PSMA4: variants seen among roughly 807,000 people sequenced by gnomAD.
PSMA4 encodes the protein proteasome subunit alpha type-4.
In PSMA4, 8 loss-of-function variants were observed where a neutral mutation model predicts 37.2. The ratio of observed to expected loss-of-function variants is 0.22; its 90% CI spans 0.13 to 0.39. PSMA4 has a LOEUF of 0.39. Among genes scored for constraint, PSMA4 ranks in the 10% least tolerant of loss-of-function variants. The pLI is 1.00. For synonymous variants in PSMA4, 93 were observed against 98.8 expected (o/e 0.94, Z 0.35); for missense variants, 169 against 305.1 (o/e 0.55, Z 3.32).
chr15:78,544,758 A>G (rs2052521540), intron 5 of PSMA4, 111 bp from the exon 6 acceptor site: 2 of 612,666 alleles, frequency 3.3e-6, no homozygotes, highest in Non-Finnish European at 5.7e-6. Context: ...TCAAATTACA[A>G]ATGACTGTTA....
chr15:78,544,839 A>G (rs2052522955), intron 5 of PSMA4, 30 bp from the exon 6 acceptor site: 2 of 1,445,028 alleles, frequency 1.4e-6, no homozygotes, highest in Non-Finnish European at 1.9e-6. Flanking sequence ...TTTAGAGAAA[A>G]CTACTAATGT....
rs1490361798 is a variant in PSMA4 at position 78,551,145 on chromosome 15, CA to C, written c.*2202del. On this transcript the variant is annotated 3_prime_UTR_variant, in exon 9 of 9. Transcript: ENST00000044462. ...TTCCTTGCCTCCACTTCATTCCCCA[CA>C]GTCAATTCTCCAGCAGCAGCCACAG... The C allele has an allele frequency of 1.3e-5, 2 of 152,242 alleles. No homozygotes were observed. The highest frequency in any genetic ancestry group is 4.8e-5 in the African/African-American group (2 of 41,452). The allele number at this position is 152,242 out of a possible 1,614,324, so 9.4% of individuals were successfully genotyped here.
chr15:78,550,753 A>C lies in PSMA4; in HGVS notation c.*1809A>C, dbSNP rs1221413576. 6.6e-6 allele frequency: 1 copy of C among 151,120 alleles called. No homozygotes were observed. The highest frequency in any genetic ancestry group is 1.5e-5 in the Non-Finnish European group (1 of 68,016). 9.4% of individuals were successfully genotyped at this position (151,120 alleles called of 1,614,324 possible). ...ACTTACACGGTGTGAGAGCTGAAACAAGAATTCAGAGTGTCGCCTTGCTCA... is the reference window on the plus strand; with the variant it reads ...ACTTACACGGTGTGAGAGCTGAAACCAGAATTCAGAGTGTCGCCTTGCTCA... On this transcript the variant is annotated 3_prime_UTR_variant, in exon 9 of 9. Coordinates refer to ENST00000044462, the MANE Select transcript of PSMA4 (RefSeq NM_002789.6).
rs1421343724 is a variant in PSMA4 at position 78,544,238 on chromosome 15, G to T, written c.258G>T (p.Leu86=). The change falls in exon 5 of 9, where the codon CTG becomes CTT. Residue 86 remains leucine (L), a synonymous_variant. Coordinates refer to ENST00000044462, the MANE Select transcript of PSMA4 (RefSeq NM_002789.6). ...VAGITSDANV[L]TNELRLIAQR... is the part of the protein sequence containing the mutation. ...GCATAACTTCTGATGCTAATGTTCT[G>T]ACTAATGAACTAAGGCTCATTGCTC... 6.2e-7 allele frequency: 1 copy of T among 1,613,404 alleles called. No homozygotes were observed. Among genetic ancestry groups the T allele is most frequent in the East Asian group, 2.2e-5 (1 of 44,870 alleles).
At chr15:78,540,916 A>G (rs1232633632) in intron 1 of PSMA4, 1 of 152,302 alleles carries the variant, frequency 6.6e-6, no homozygotes. Flanking sequence ...GAGACAACAG[A>G]AAGTTGTGCT....
At chr15:78,542,070 T>C in intron 2 of PSMA4, 107 bp from the exon 3 acceptor site, 1 of 1,450,478 alleles carries the variant, frequency 6.9e-7, no homozygotes. Context: ...TCCTCTCACC[T>C]ATTGAACTTT....
In PSMA4 at chr15:78,540,449, A is replaced by T. The variant is rs1411361144; in HGVS notation, c.-114A>T. 1 of 152,382 alleles carries T rather than the reference A, an allele frequency of 6.6e-6. No homozygotes were observed. Among genetic ancestry groups the T allele is most frequent in the Admixed American group, 6.5e-5 (1 of 15,290 alleles). The allele number at this position is 152,382 out of a possible 1,614,324, so 9.4% of individuals were successfully genotyped here. On this transcript the variant is annotated 5_prime_UTR_variant, in exon 1 of 9. Coordinates refer to ENST00000044462, the MANE Select transcript of PSMA4 (RefSeq NM_002789.6). ...TCTGCGCATGCGCGGGGGCCATATT[A>T]GCAGCGGTTATTCGGTGAGCGGTGG...
intron 4 of PSMA4, among the ~76,000 whole-genome samples, chr15:78,543,100 C>T (rs1174016373): frequency 6.6e-6 from 1 of 152,188 alleles, no homozygotes; most frequent in Admixed American, 6.5e-5. Context: ...CTGAATCTTA[C>T]TAAAGAACAA....
intron 4 of PSMA4, 129 bp downstream of exon 4, chr15:78,542,774 A>C: frequency 2.2e-6 from 2 of 900,208 alleles, no homozygotes; most frequent in Non-Finnish European, 1.6e-6. Context: ...TTTGCTTGAA[A>C]CCTCTTTGAG....
At chr15:78,544,122 T>A (rs1006914975) in intron 4 of PSMA4, 68 bp from the exon 5 acceptor site, 57 of 1,176,514 alleles carry the variant, frequency 4.8e-5, no homozygotes, top group Non-Finnish European at 6.1e-5. Flanking sequence ...TAGAATTTTT[T>A]AAATACTTAT....
chr15:78,548,425 A>T (rs1206328972), intron 8 of PSMA4, among the ~76,000 whole-genome samples: 3 of 152,142 alleles, frequency 2.0e-5, no homozygotes, highest in Non-Finnish European at 1.5e-5. Flanking sequence ...TGAAAAGTCC[A>T]TAAAAAATAA....
Position 78,551,222 on chromosome 15 carries a change from C to T in PSMA4, c.*2278C>T, listed in dbSNP as rs1979908. On this transcript the variant is annotated 3_prime_UTR_variant, in exon 9 of 9. Coordinates refer to ENST00000044462, the MANE Select transcript of PSMA4 (RefSeq NM_002789.6). ...CTACTGCACAGTTTTGGCTCAAAACCCTCCAATGGCTTCCCATCTTGCTCA... is the reference window on the plus strand; with the variant it reads ...CTACTGCACAGTTTTGGCTCAAAACTCTCCAATGGCTTCCCATCTTGCTCA... The T allele has an allele frequency of 0.67, 101,103 of 152,002 alleles. 34,320 individuals are homozygous for T. Among genetic ancestry groups the T allele is most frequent in the East Asian group, 0.84 (4,294 of 5,134 alleles). The allele number at this position is 152,002 out of a possible 1,614,324, so 9.4% of individuals were successfully genotyped here. A position where few individuals can be genotyped will look rare whatever the true frequency, so the allele number is the denominator to read the frequency against.
chr15:78,548,669 G>A (rs541900196), intron 8 of PSMA4, 121 bp from the exon 9 acceptor site: 11 of 1,315,442 alleles, frequency 8.4e-6, no homozygotes, highest in Non-Finnish European at 1.1e-5. Flanking sequence ...TAAAACATAG[G>A]AGAGTGCTGA....
intron 5 of PSMA4, 140 bp downstream of exon 5, chr15:78,544,407 C>G (rs112083337): frequency 0.014 from 8,124 of 562,486 alleles, 524 homozygotes; most frequent in African/African-American, 0.14. Flanking sequence ...CCTCCGCCTC[C>G]CGGGTTCAAG....
intron 8 of PSMA4, 129 bp downstream of exon 8, chr15:78,546,827 G>T: frequency 1.0e-6 from 1 of 957,098 alleles, no homozygotes; most frequent in Non-Finnish European, 1.5e-6. Flanking sequence ...GTGCAGTGGC[G>T]CAATCTCAGC....
At chr15:78,544,740 C>G in intron 5 of PSMA4, 129 bp from the exon 6 acceptor site, 1 of 551,540 alleles carries the variant, frequency 1.8e-6, no homozygotes, top group South Asian at 2.9e-5. Flanking sequence ...TGACTTGTTC[C>G]CTCCCCTTCA....
chr15:78,546,104 C>T (rs967218020), intron 7 of PSMA4, among the ~76,000 whole-genome samples: 1 of 152,054 alleles, frequency 6.6e-6, no homozygotes, highest in Non-Finnish European at 1.5e-5. Flanking sequence ...AGCATTAGTA[C>T]CCCCTCTTCT....
At chr15:78,546,490 T>A in intron 7 of PSMA4, 85 bp from the exon 8 acceptor site, 1 of 1,231,912 alleles carries the variant, frequency 8.1e-7, no homozygotes, top group Non-Finnish European at 1.1e-6. Context: ...ATGCCAATAA[T>A]AATTCAGGCA....
chr15:78,545,706 G>A lies in PSMA4; in HGVS notation c.449G>A (p.Ser150Asn). 1 of 1,613,978 alleles carries A rather than the reference G, an allele frequency of 6.2e-7. No homozygotes were observed. Among genetic ancestry groups the A allele is most frequent in the African/African-American group, 1.3e-5 (1 of 75,038 alleles). Residue 150 changes from serine (S) to asparagine (N), a missense_variant, in exon 7 of 9, where the codon AGT (serine) becomes AAT (asparagine). By Grantham distance (46) the Ser-to-Asn change is conservative. Around this residue, in one of 2 missense-constraint regions of PSMA4, gnomAD observed 79 missense variants for 212.4 expected, o/e 0.37. Coordinates refer to ENST00000044462, the MANE Select transcript of PSMA4 (RefSeq NM_002789.6). ...CACTATGGCTTTCAGCTCTATCAGA[G>A]TGACCCTAGTGGAAATTACGGGGGA... ...DKHYGFQLYQ[S>N]DPSGNYGGWK...
Sources: allele counts gnomAD v4.1 joint callset (sites outside exome capture counted in the v4.1 genomes callset), GRCh38; gene constraint gnomAD v4.1.1; regional missense constraint gnomAD v4.1.1; transcripts MANE v1.5; gene names NCBI Gene and HGNC (gene_info 2026-07-23, HGNC 2026-07-21).